The following MALRD1 variants were observed in gnomAD, a reference collection of about 807,000 sequenced individuals.
The protein encoded by MALRD1 is MAM and LDL-receptor class A domain-containing protein 1.
In MALRD1, 247 loss-of-function variants were observed where a neutral mutation model predicts 242.1. The observed-to-expected ratio is 1.02, with a 90% CI of 0.92 to 1.13. The LOEUF (loss-of-function observed/expected upper bound fraction) is 1.13. Among genes scored for constraint, MALRD1 ranks in the 50% most tolerant of loss-of-function variants. MALRD1 has a pLI of 0.00. For missense variants in MALRD1, 2,989 were observed against 2,533.1 expected (o/e 1.18, Z -3.86); for synonymous variants, 995 against 866.6 (o/e 1.15, Z -2.60).
chr10:19,294,637 G>T (rs1280902010), intron 21 of MALRD1, among the ~76,000 whole-genome samples: 3 of 152,096 alleles, frequency 2.0e-5, no homozygotes, highest in Non-Finnish European at 4.4e-5. Context: ...TGTCAGGACT[G>T]TGTGCTTGGT....
intron 35 of MALRD1, among the ~76,000 whole-genome samples, chr10:19,609,394 C>A (rs1254133696): frequency 1.3e-5 from 2 of 151,960 alleles, no homozygotes; most frequent in East Asian, 3.9e-4. Context: ...ATATTAAAGC[C>A]AAGCTTCTGT....
chr10:19,498,020 A>G (rs1267013190), intron 30 of MALRD1, among the ~76,000 whole-genome samples: 2 of 152,242 alleles, frequency 1.3e-5, no homozygotes, highest in Non-Finnish European at 2.9e-5. Context: ...TATGGTGTCC[A>G]AGATAATTTG....
intron 36 of MALRD1, among the ~76,000 whole-genome samples, chr10:19,659,494 T>C (rs996514757): frequency 3.9e-5 from 6 of 152,264 alleles, no homozygotes; most frequent in South Asian, 2.1e-4. Context: ...TTACCACTGA[T>C]ATATAGATAA....
At chr10:19,084,989 C>T (rs556744892) in intron 2 of MALRD1, among the ~76,000 whole-genome samples, 1 of 151,840 alleles carries the variant, frequency 6.6e-6, no homozygotes, top group Non-Finnish European at 1.5e-5. Flanking sequence ...TGTAAACAAG[C>T]TATAATGAGG....
intron 29 of MALRD1, among the ~76,000 whole-genome samples, chr10:19,488,383 A>G (rs1837324890): frequency 6.6e-6 from 1 of 152,168 alleles, no homozygotes; most frequent in South Asian, 2.1e-4. Context: ...AGCCATGTAT[A>G]AATAGCTCTT....
chr10:19,668,331 C>G (rs1841768782), intron 36 of MALRD1, among the ~76,000 whole-genome samples: 1 of 152,014 alleles, frequency 6.6e-6, no homozygotes, highest in Non-Finnish European at 1.5e-5. Flanking sequence ...CAAAATGACA[C>G]CAGAATGAAG....
At chr10:19,168,714 T>A (rs1834800037) in intron 13 of MALRD1, among the ~76,000 whole-genome samples, 1 of 152,210 alleles carries the variant, frequency 6.6e-6, no homozygotes. Flanking sequence ...GTGATTTGGC[T>A]GCAATGGATG....
chr10:19,513,906 T>A (rs1482448844), intron 31 of MALRD1, among the ~76,000 whole-genome samples: 1 of 152,198 alleles, frequency 6.6e-6, no homozygotes, highest in African/African-American at 2.4e-5. Context: ...TACTAGATAT[T>A]GGGTTAGCAA....
intron 33 of MALRD1, among the ~76,000 whole-genome samples, chr10:19,586,211 C>A (rs1837393195): frequency 6.6e-6 from 1 of 152,164 alleles, no homozygotes; most frequent in Non-Finnish European, 1.5e-5. Context: ...CGTCTGAAGC[C>A]TTCTTCTCTC....
chr10:19,281,063 T>G (rs1840780142), intron 20 of MALRD1, among the ~76,000 whole-genome samples: 1 of 152,132 alleles, frequency 6.6e-6, no homozygotes, highest in South Asian at 2.1e-4. Context: ...AGAAATCCAG[T>G]GAGGTTCATA....
rs571272254 is a variant in MALRD1 at position 19,413,976 on chromosome 10, A to C, written c.4845+24367A>C. Among the ~76,000 whole-genome samples the C allele has an allele frequency of 2.0e-5, 3 of 151,656 alleles. No individual in the cohort carries two copies. The East Asian group carries it at 5.8e-4, about 29-fold the overall frequency. On this transcript the variant is annotated intron_variant, in intron 28 of 39. Coordinates refer to ENST00000454679, the MANE Select transcript of MALRD1 (RefSeq NM_001142308.3). ...AAAAAAACAAAAACCAAAAAAAAAA[A>C]AACAATGATTTTTACCAATTGCATT... is the stretch of plus-strand genomic sequence containing the variant.
At chr10:19,241,542 T>C (rs1838774380) in intron 18 of MALRD1, among the ~76,000 whole-genome samples, 1 of 152,160 alleles carries the variant, frequency 6.6e-6, no homozygotes, top group Admixed American at 6.6e-5. Flanking sequence ...TTTTAGTGTC[T>C]GTTTCATTTA....
intron 33 of MALRD1, 92 bp from the exon 34 acceptor site, chr10:19,595,102 T>C (rs1838011263): frequency 7.9e-7 from 1 of 1,265,578 alleles, no homozygotes; most frequent in African/African-American, 1.5e-5. Flanking sequence ...AAATTCATTT[T>C]ATACAATAAG....
intron 29 of MALRD1, chr10:19,489,070 C>G (rs1486568302): frequency 4.4e-6 from 2 of 459,448 alleles, no homozygotes; most frequent in Non-Finnish European, 8.8e-6. Flanking sequence ...GCGCCAGGCA[C>G]CGCGCACGCG....
At chr10:19,235,567 ACC>A (rs1438942747) in intron 18 of MALRD1, among the ~76,000 whole-genome samples, 33 of 128,874 alleles carry the variant, frequency 2.6e-4, no homozygotes, top group South Asian at 8.0e-4. Flanking sequence ...ACACACCCAC[ACC>A]CACACCCACA....
intron 36 of MALRD1, among the ~76,000 whole-genome samples, chr10:19,665,848 A>G (rs1466782265): frequency 6.6e-6 from 1 of 151,166 alleles, no homozygotes; most frequent in Non-Finnish European, 1.5e-5. Context: ...TCTGTGGTTA[A>G]CTAACTGTCC....
intron 21 of MALRD1, among the ~76,000 whole-genome samples, chr10:19,289,423 G>T (rs373641171): frequency 2.0e-5 from 3 of 152,256 alleles, no homozygotes; most frequent in African/African-American, 2.4e-5. Context: ...TTGCTAATTA[G>T]CATCAATATA....
chr10:19,149,323 C>T (rs1327355647), intron 11 of MALRD1, among the ~76,000 whole-genome samples: 5 of 151,964 alleles, frequency 3.3e-5, no homozygotes, highest in African/African-American at 1.2e-4. Context: ...GAGGTTTCAC[C>T]GTGTTGACCA....
intron 18 of MALRD1, among the ~76,000 whole-genome samples, chr10:19,233,840 A>G (rs72788018): frequency 0.088 from 12,220 of 138,112 alleles, 560 homozygotes; most frequent in East Asian, 0.17. Context: ...TTTTTCTCCA[A>G]TTGGTTTCTT....
Sources: gnomAD v4.1 joint callset for allele counts (sites outside exome capture counted in the v4.1 genomes callset) on GRCh38, gnomAD v4.1.1 for gene constraint, MANE v1.5 for transcripts, NCBI Gene and HGNC (gene_info 2026-07-23, HGNC 2026-07-21) for gene names.